DRC11: variants seen among roughly 807,000 people sequenced by gnomAD.
The protein encoded by DRC11 is IQ and AAA domain-containing protein 1.
At chr2:236,482,327 T>C in the DRC11 span, among the ~76,000 whole-genome samples, 5 of 152,128 alleles carry the variant, frequency 3.3e-5, no homozygotes, top group African/African-American at 1.2e-4. The surrounding 1 kb of genome is among the most constrained non-coding windows in gnomAD (Gnocchi z 4.5). Flanking sequence ...TTATTCCCAA[T>C]TTTTTCGCTA....
the DRC11 span, among the ~76,000 whole-genome samples, chr2:236,472,055 C>T: frequency 6.6e-6 from 1 of 152,178 alleles, no homozygotes; most frequent in Non-Finnish European, 1.5e-5. This position sits in a 1 kb window ranked among gnomAD's most constrained non-coding sequence, Gnocchi z 4.6. Context: ...ACCAGAGGTT[C>T]CCAAGTAACT....
the DRC11 span, among the ~76,000 whole-genome samples, chr2:236,495,219 T>C: frequency 6.6e-6 from 1 of 152,154 alleles, no homozygotes; most frequent in Non-Finnish European, 1.5e-5. This position sits in a 1 kb window ranked among gnomAD's most constrained non-coding sequence, Gnocchi z 5.6. Context: ...GGCATGCACC[T>C]GTAATCCCAG....
At chr2:236,346,979 CTG>C in the DRC11 span, among the ~76,000 whole-genome samples, 1 of 152,210 alleles carries the variant, frequency 6.6e-6, no homozygotes, top group Admixed American at 6.5e-5. Flanking sequence ...AGTGAACACA[CTG>C]TGCATGCATG....
chr2:236,459,528 T>TATATGTGTATAC, the DRC11 span, among the ~76,000 whole-genome samples: 1 of 95,944 alleles, frequency 1.0e-5, no homozygotes, highest in African/African-American at 4.1e-5. Flanking sequence ...CATGTATACA[T>TATATGTGTATAC]GTATACGTAT....
the DRC11 span, among the ~76,000 whole-genome samples, chr2:236,311,370 C>T: frequency 6.6e-6 from 1 of 152,198 alleles, no homozygotes; most frequent in East Asian, 1.9e-4. The surrounding 1 kb of genome is among the most constrained non-coding windows in gnomAD (Gnocchi z 6.9). Flanking sequence ...TGCTGGCAGT[C>T]TTGTGTCTAC....
At chr2:236,406,543 G>C in the DRC11 span, among the ~76,000 whole-genome samples, 15 of 152,240 alleles carry the variant, frequency 9.9e-5, 1 homozygote, top group Admixed American at 2.0e-4. The surrounding 1 kb of genome is among the most constrained non-coding windows in gnomAD (Gnocchi z 4.7). Flanking sequence ...ATCCTGGGGT[G>C]GGGGAGAGGT....
At chr2:236,455,474 T>C in the DRC11 span, among the ~76,000 whole-genome samples, 9 of 152,326 alleles carry the variant, frequency 5.9e-5, no homozygotes, top group South Asian at 1.0e-3. This position sits in a 1 kb window ranked among gnomAD's most constrained non-coding sequence, Gnocchi z 5.7. Context: ...GCTGCAGTCC[T>C]GAGAGCTCGG....
the DRC11 span, among the ~76,000 whole-genome samples, chr2:236,464,733 T>C: frequency 6.6e-6 from 1 of 152,022 alleles, no homozygotes; most frequent in Admixed American, 6.6e-5. Context: ...GGTGTCTGGG[T>C]CATGGGGGTG....
chr2:236,501,117 G>A, the DRC11 span, among the ~76,000 whole-genome samples: 2 of 152,190 alleles, frequency 1.3e-5, no homozygotes, highest in African/African-American at 4.8e-5. Flanking sequence ...CATGGTGGAG[G>A]CAAAGTGGGA....
the DRC11 span, among the ~76,000 whole-genome samples, chr2:236,355,442 A>G: frequency 1.7e-4 from 26 of 152,352 alleles, no homozygotes; most frequent in South Asian, 5.4e-3. Context: ...GTCGCTCCTC[A>G]GCCTGCAGCT....
chr2:236,323,933 CT>C, the DRC11 span, among the ~76,000 whole-genome samples: 987 of 152,282 alleles, frequency 6.5e-3, 8 homozygotes, highest in African/African-American at 0.022. The surrounding 1 kb of genome is among the most constrained non-coding windows in gnomAD (Gnocchi z 6.4). Flanking sequence ...TTTCCCTTCT[CT>C]GCATTTACCC....
chr2:236,476,354 T>G, the DRC11 span, among the ~76,000 whole-genome samples: 1 of 152,242 alleles, frequency 6.6e-6, no homozygotes, highest in African/African-American at 2.4e-5. This position sits in a 1 kb window ranked among gnomAD's most constrained non-coding sequence, Gnocchi z 4.7. Context: ...TTTTTTGAAT[T>G]TTTTTTAGAT....
the DRC11 span, among the ~76,000 whole-genome samples, chr2:236,447,422 C>T: frequency 6.6e-6 from 1 of 151,606 alleles, no homozygotes; most frequent in Non-Finnish European, 1.5e-5. The surrounding 1 kb of genome is among the most constrained non-coding windows in gnomAD (Gnocchi z 4.6). Flanking sequence ...TCCCTGGTGC[C>T]AGAAAGGTTG....
the DRC11 span, among the ~76,000 whole-genome samples, chr2:236,315,563 T>C: frequency 7.9e-5 from 12 of 152,306 alleles, no homozygotes; most frequent in African/African-American, 1.7e-4. The surrounding 1 kb of genome is among the most constrained non-coding windows in gnomAD (Gnocchi z 5.1). Context: ...TGTATGTTCA[T>C]TGCAGCACTA....
the DRC11 span, chr2:236,497,157 G>A: frequency 1.3e-6 from 2 of 1,599,690 alleles, no homozygotes; most frequent in Middle Eastern, 1.7e-4. This position sits in a 1 kb window ranked among gnomAD's most constrained non-coding sequence, Gnocchi z 5.1. Flanking sequence ...ACAACAGAGT[G>A]CTTACGGGGG....
At chr2:236,368,250 A>C in the DRC11 span, 17 of 1,610,290 alleles carry the variant, frequency 1.1e-5, no homozygotes, top group East Asian at 3.6e-4. Context: ...GAGGGAGGGC[A>C]TGGGTTCTAT....
the DRC11 span, among the ~76,000 whole-genome samples, chr2:236,357,310 TCTATATA>T: frequency 1.7e-5 from 2 of 118,786 alleles, no homozygotes; most frequent in Non-Finnish European, 3.1e-5. Context: ...TTCATATAGA[TCTATATA>T]TTATATATAT....
At chr2:236,380,484 T>C in the DRC11 span, 3 of 1,042,880 alleles carry the variant, frequency 2.9e-6, no homozygotes, top group Admixed American at 6.0e-5. This position sits in a 1 kb window ranked among gnomAD's most constrained non-coding sequence, Gnocchi z 4.9. Context: ...GGGCGTGGCA[T>C]CACAGAGGGG....
the DRC11 span, among the ~76,000 whole-genome samples, chr2:236,384,542 T>C: frequency 6.6e-6 from 1 of 152,210 alleles, no homozygotes; most frequent in Non-Finnish European, 1.5e-5. Flanking sequence ...TTGAGTTCAT[T>C]GTAGATTCTG....
Sources: gnomAD v4.1 joint callset for allele counts (sites outside exome capture counted in the v4.1 genomes callset) on GRCh38, gnomAD v4.1.1 for gene constraint, Gnocchi (gnomAD v3.1) non-coding constraint, MANE v1.5 for transcripts, NCBI Gene and HGNC (gene_info 2026-07-23, HGNC 2026-07-21) for gene names.